MBTPS2: variants seen among roughly 807,000 people sequenced by gnomAD.
The protein encoded by MBTPS2 is membrane-bound transcription factor site-2 protease.
A neutral mutation model predicts 35.4 loss-of-function variants in MBTPS2; 2 were observed. The ratio of observed to expected loss-of-function variants is 0.06; its 90% CI spans 0.02 to 0.18. The LOEUF is 0.18. Ranked by LOEUF, MBTPS2 falls within the 10% of genes least tolerant of loss-of-function variation. The pLI, the probability that MBTPS2 is intolerant of heterozygous loss-of-function variation, is 1.00. For missense variants in MBTPS2, 244 were observed against 386.5 expected (o/e 0.63, Z 3.09); for synonymous variants, 125 against 140.4 (o/e 0.89, Z 0.77).
intron 5 of MBTPS2, among the ~76,000 whole-genome samples, chrX:21,854,238 C>T (rs925235943): frequency 1.8e-5 from 2 of 111,908 alleles, no homozygotes; most frequent in Admixed American, 1.9e-4. Context: ...ACTACAAGAT[C>T]TAAAAACACA....
At chrX:21,855,180 T>TA (rs942845036) in intron 5 of MBTPS2, among the ~76,000 whole-genome samples, 10 of 109,297 alleles carry the variant, frequency 9.1e-5, no homozygotes, top group Admixed American at 5.9e-4. Flanking sequence ...CAAGAGCTCT[T>TA]AAAAAAAAAT....
At chrX:21,857,641 C>T (rs1288094549) in intron 5 of MBTPS2, 1 of 1,157,167 alleles carries the variant, frequency 8.6e-7, no homozygotes, top group Admixed American at 2.5e-5. Flanking sequence ...GAATTATCTT[C>T]CAGGACTGCG....
chrX:21,881,013 C>G, intron 10 of MBTPS2, 41 bp downstream of exon 10: 2 of 981,432 alleles, frequency 2.0e-6, no homozygotes, highest in South Asian at 3.8e-5. Flanking sequence ...AAGTGTGTTA[C>G]TTGGATCTTG....
intron 6 of MBTPS2, among the ~76,000 whole-genome samples, chrX:21,869,199 T>G (rs2092944128): frequency 8.9e-6 from 1 of 112,379 alleles, no homozygotes; most frequent in African/African-American, 3.2e-5. Flanking sequence ...TGATGATACT[T>G]TCACCAAAAA....
intron 5 of MBTPS2, among the ~76,000 whole-genome samples, chrX:21,859,704 G>T (rs1333170755): frequency 1.8e-5 from 2 of 111,909 alleles, no homozygotes; most frequent in African/African-American, 6.5e-5. Context: ...AGGGGAGGGT[G>T]CTACTGGCAT....
chrX:21,860,525 T>G (rs758339338), intron 5 of MBTPS2, among the ~76,000 whole-genome samples: 11 of 112,469 alleles, frequency 9.8e-5, no homozygotes, highest in Middle Eastern at 9.2e-3. Flanking sequence ...ATCCAATCAT[T>G]AATGGGCAAG....
chrX:21,874,479 A>C lies in MBTPS2; in HGVS notation c.971-3563A>C, dbSNP rs754806677. ...ATAAGCTAGGGTAAGAAAATTGTTC[A>C]GTTCATATTAGAGATACAGAAAGTG... On this transcript the variant is annotated intron_variant, in intron 7 of 10. Coordinates refer to ENST00000379484, the MANE Select transcript of MBTPS2 (RefSeq NM_015884.4). 5.4e-5 allele frequency among the ~76,000 whole-genome samples: 6 copies of C among 111,777 alleles called. No individual in the cohort carries two copies. In the South Asian group the frequency reaches 2.3e-3, roughly 42 times the overall value.
Position 21,884,041 on chromosome X carries a change from C to T in MBTPS2, c.*1386C>T. The T allele has an allele frequency of 1.3e-6, 1 of 753,922 alleles. No homozygotes were observed. The highest frequency in any genetic ancestry group is 1.6e-6 in the Non-Finnish European group (1 of 638,910). The allele number at this position is 753,922 out of a possible 1,213,427, so 62.1% of individuals were successfully genotyped here. A position where few individuals can be genotyped will look rare whatever the true frequency, so the allele number is the denominator to read the frequency against. ...CAACTTCTTTACTGAGTGATGTATT[C>T]CATGGGGTTACCTTTTTCAGATTAT... On this transcript the variant is annotated 3_prime_UTR_variant, in exon 11 of 11. Transcript: ENST00000379484.
chrX:21,884,221 T>C lies in MBTPS2; in HGVS notation c.*1566T>C. 2.8e-6 allele frequency: 2 copies of C among 703,645 alleles called. No homozygotes were observed. Among genetic ancestry groups the C allele is most frequent in the Non-Finnish European group, 3.4e-6 (2 of 592,738 alleles). 58.0% of individuals were successfully genotyped at this position (703,645 alleles called of 1,213,427 possible). A position where few individuals can be genotyped will look rare whatever the true frequency, so the allele number is the denominator to read the frequency against. On this transcript the variant is annotated 3_prime_UTR_variant, in exon 11 of 11. Coordinates refer to ENST00000379484, the MANE Select transcript of MBTPS2 (RefSeq NM_015884.4). ...TCAGTTAATACCAGTACTAAAACCA[T>C]ACGAATTATTGGTTTATTCCAGAAA...
intron 8 of MBTPS2, 152 bp downstream of exon 8, chrX:21,878,288 T>C (rs1306562456): frequency 1.9e-6 from 1 of 525,272 alleles, no homozygotes; most frequent in African/African-American, 2.4e-5. Context: ...ACATTTCATC[T>C]GAAAATCTTT....
chrX:21,843,545 G>T (rs1331891547), intron 2 of MBTPS2, among the ~76,000 whole-genome samples: 5 of 111,629 alleles, frequency 4.5e-5, no homozygotes, highest in Admixed American at 2.9e-4. Context: ...GCTTTACAAT[G>T]ATCTCTGGGA....
intron 5 of MBTPS2, chrX:21,857,215 A>G: frequency 4.1e-6 from 5 of 1,211,892 alleles, no homozygotes; most frequent in Non-Finnish European, 5.6e-6. Flanking sequence ...GTGAAGCCCA[A>G]AAGGTCCAAA....
At chrX:21,855,541 C>T (rs1321236877) in intron 5 of MBTPS2, among the ~76,000 whole-genome samples, 1 of 109,805 alleles carries the variant, frequency 9.1e-6, no homozygotes, top group Non-Finnish European at 1.9e-5. Flanking sequence ...AAGCGATTCT[C>T]CTGCCTCAGC....
intron 5 of MBTPS2, among the ~76,000 whole-genome samples, chrX:21,865,797 T>A (rs923535359): frequency 5.8e-4 from 65 of 112,357 alleles, no homozygotes; most frequent in Non-Finnish European, 1.0e-3. Context: ...GTTGTGGTTT[T>A]TTTTTATTAT....
chrX:21,866,259 A>T (rs2092939610), intron 5 of MBTPS2, among the ~76,000 whole-genome samples: 1 of 111,339 alleles, frequency 9.0e-6, no homozygotes, highest in African/African-American at 3.2e-5. Context: ...ATCATGAAGA[A>T]AGCAAAAAAG....
At chrX:21,850,966 A>G (rs187307930) in intron 3 of MBTPS2, among the ~76,000 whole-genome samples, 272 of 112,106 alleles carry the variant, frequency 2.4e-3, no homozygotes, top group Non-Finnish European at 4.0e-3. Context: ...CTATTAGACC[A>G]GCTTTCATTA....
intron 5 of MBTPS2, among the ~76,000 whole-genome samples, chrX:21,864,625 C>T (rs1196906737): frequency 9.0e-6 from 1 of 110,507 alleles, no homozygotes; most frequent in Admixed American, 9.6e-5. Context: ...AGTTTGAGAC[C>T]AGCCTGGGCA....
chrX:21,853,605 T>C lies in MBTPS2; in HGVS notation c.670+102T>C. The C allele has an allele frequency of 3.6e-6, 3 of 839,072 alleles. No individual in the cohort carries two copies. The South Asian group carries it at 6.5e-5, about 18-fold the overall frequency. 69.1% of individuals were successfully genotyped at this position (839,072 alleles called of 1,213,427 possible). ...ATATATCACAAATGACAATATCTTA[T>C]CTTTTGGTTAATAACTTCAGTTTAT... On this transcript the variant is annotated intron_variant, in intron 5 of 10. Coordinates refer to ENST00000379484, the MANE Select transcript of MBTPS2 (RefSeq NM_015884.4).
At chrX:21,869,824 T>C (rs777394771) in intron 7 of MBTPS2, 146 bp downstream of exon 7, 8 of 488,435 alleles carry the variant, frequency 1.6e-5, no homozygotes, top group Admixed American at 9.7e-5. Context: ...CAATAGACAT[T>C]TTTCTTGGTA....
Sources: allele counts gnomAD v4.1 joint callset (sites outside exome capture counted in the v4.1 genomes callset), GRCh38; gene constraint gnomAD v4.1.1; transcripts MANE v1.5; gene names NCBI Gene and HGNC (gene_info 2026-07-23, HGNC 2026-07-21).